Variants in PAK1 observed in about 807,000 individuals in gnomAD.
The protein encoded by PAK1 is p21 (RAC1) activated kinase 1, also known as serine/threonine-protein kinase PAK 1.
Under a neutral mutation model 67.4 loss-of-function variants are expected in PAK1, and 29 were observed. The ratio of observed to expected loss-of-function variants is 0.43; its 90% confidence interval spans 0.32 to 0.59. The LOEUF (loss-of-function observed/expected upper bound fraction) is 0.59. PAK1 is among the 20% of genes least tolerant of loss of function. The pLI, the probability that PAK1 is intolerant of heterozygous loss-of-function variation, is 0.07. For synonymous variants in PAK1, 223 were observed against 237.4 expected, an observed-to-expected ratio of 0.94 and a Z score of 0.56; for missense variants, 337 against 670.7, an observed-to-expected ratio of 0.50 and a Z score of 5.50.
chr11:77,520,163 T>C, the PAK1 span, among the ~76,000 whole-genome samples: 1 of 152,246 alleles, frequency 6.6e-6, no homozygotes, highest in Admixed American at 6.5e-5. Flanking sequence ...TATCTGCCTA[T>C]GCATTTGGCT....
chr11:77,464,704 T>C (rs187871944), intron 1 of PAK1, among the ~76,000 whole-genome samples: 1 of 152,322 alleles, frequency 6.6e-6, no homozygotes, highest in East Asian at 1.9e-4. Flanking sequence ...ACACCTAACA[T>C]ACCAAACATC....
intron 1 of PAK1, among the ~76,000 whole-genome samples, chr11:77,394,357 T>C (rs1951560542): frequency 6.6e-6 from 1 of 152,198 alleles, no homozygotes; most frequent in Non-Finnish European, 1.5e-5. Context: ...TGAAAATTAG[T>C]GATCCCAATG....
chr11:77,461,400 A>G (rs1376104434), intron 1 of PAK1, among the ~76,000 whole-genome samples: 1 of 152,222 alleles, frequency 6.6e-6, no homozygotes, highest in Non-Finnish European at 1.5e-5. Flanking sequence ...ATCCTCCATA[A>G]TCTGGATGGA....
chr11:77,407,408 T>A lies in PAK1; in HGVS notation c.-21-14867A>T, dbSNP rs116428380. Reference sequence around the variant, plus strand: ...GAGGTTCAATCCTCTCCTATTAGTCTGTGAGTTTTTCGAGGGCAGAGAAAG... The same window carrying A: ...GAGGTTCAATCCTCTCCTATTAGTCAGTGAGTTTTTCGAGGGCAGAGAAAG... On this transcript the variant is annotated intron_variant, in intron 1 of 14. Transcript: ENST00000356341. 3.7e-3 allele frequency among the ~76,000 whole-genome samples: 568 copies of A among 152,304 alleles called. 6 individuals are homozygous for A. Among genetic ancestry groups the A allele is most frequent in the African/African-American group, 0.013 (529 of 41,560 alleles).
intron 7 of PAK1, among the ~76,000 whole-genome samples, chr11:77,353,855 A>G (rs1945627199): frequency 2.0e-5 from 3 of 152,156 alleles, no homozygotes; most frequent in Admixed American, 1.3e-4. Context: ...TAATCCATTC[A>G]GTAAATATTT....
chr11:77,325,245 C>T (rs1939501334), intron 14 of PAK1: 1 of 1,550,168 alleles, frequency 6.5e-7, no homozygotes, highest in Admixed American at 1.8e-5. Context: ...AGTTGTGATA[C>T]TCTTTGAGCC....
chr11:77,432,859 T>A (rs1955926593), intron 1 of PAK1, among the ~76,000 whole-genome samples: 1 of 149,208 alleles, frequency 6.7e-6, no homozygotes. Context: ...TAGAATAGCA[T>A]CAAAAAGAAA....
At chr11:77,478,618 C>CAA (rs56856301), upstream of PAK1, among the ~76,000 whole-genome samples, 120 of 143,392 alleles carry the variant, frequency 8.4e-4, 2 homozygotes, top group African/African-American at 2.8e-3. Context: ...TACTAAAATA[C>CAA]AAAAAAAAAA....
intron 14 of PAK1, 55 bp from the exon 15 acceptor site, chr11:77,323,415 T>A: frequency 8.5e-7 from 1 of 1,170,800 alleles, no homozygotes; most frequent in Non-Finnish European, 1.3e-6. Flanking sequence ...TCTTCCCCAG[T>A]AACCATTACA....
In PAK1 at chr11:77,414,431, T is replaced by G. The variant is rs1954838369; in HGVS notation, c.-21-21890A>C. 2.0e-5 allele frequency among the ~76,000 whole-genome samples: 3 copies of G among 152,248 alleles called. No individual in the cohort carries two copies. The South Asian group carries it at 6.2e-4, about 31-fold the overall frequency. On this transcript the variant is annotated intron_variant, in intron 1 of 14. Transcript: ENST00000356341. ...GTCCCAGCAGAGATTCTGACTTGGT[T>G]GGTCTGGCATGTGGCCTAGGCAATA...
At chr11:77,323,498 T>A (rs1938870294) in intron 14 of PAK1, 138 bp from the exon 15 acceptor site, 2 of 661,716 alleles carry the variant, frequency 3.0e-6, no homozygotes, top group African/African-American at 1.8e-5. Flanking sequence ...TTGAAGGACA[T>A]CTTAAAACAG....
chr11:77,379,858 AAAAGACT>A, intron 3 of PAK1, 29 bp downstream of exon 3: 1 of 1,405,284 alleles, frequency 7.1e-7, no homozygotes, highest in Non-Finnish European at 1.0e-6. Context: ...CCAGAACTCT[AAAAGACT>A]AAAGACCTTT....
At chr11:77,524,089 G>A in the PAK1 span, among the ~76,000 whole-genome samples, 152 of 152,278 alleles carry the variant, frequency 1.0e-3, no homozygotes, top group African/African-American at 3.5e-3. Flanking sequence ...GCCCCAATGA[G>A]TCTTCCAAAA....
In PAK1 at chr11:77,448,199, G is replaced by T. The variant is rs550106104; in HGVS notation, c.-22+25353C>A. Among the ~76,000 whole-genome samples, 12 of 152,220 alleles carry T rather than the reference G, an allele frequency of 7.9e-5. No homozygotes were observed. The South Asian group carries it at 2.5e-3, about 32-fold the overall frequency. The stretch of plus-strand genomic sequence containing the variant: ...CCTCAATTACCTCATATGTAAAATG[G>T]GAGACTCATATGGGAAAAAATGGAA... On this transcript the variant is annotated intron_variant, in intron 1 of 14. Transcript: ENST00000356341.
intron 1 of PAK1, among the ~76,000 whole-genome samples, chr11:77,420,760 C>A (rs1342312308): frequency 6.6e-6 from 1 of 152,204 alleles, no homozygotes; most frequent in Non-Finnish European, 1.5e-5. Context: ...GACAGATTTG[C>A]TCTGCTCCCC....
chr11:77,365,819 C>T (rs997586992), intron 5 of PAK1, among the ~76,000 whole-genome samples: 4 of 150,204 alleles, frequency 2.7e-5, no homozygotes, highest in Admixed American at 1.3e-4. Flanking sequence ...GGCGACAGAG[C>T]GAGACTCCGT....
chr11:77,392,231 A>C (rs1951230187), intron 2 of PAK1, 100 bp downstream of exon 2: 1 of 860,610 alleles, frequency 1.2e-6, no homozygotes, highest in Non-Finnish European at 1.7e-6. Context: ...AGAAAACATT[A>C]AAGGAAAATT....
intron 1 of PAK1, among the ~76,000 whole-genome samples, chr11:77,452,286 T>A (rs1187487991): frequency 6.6e-6 from 1 of 152,198 alleles, no homozygotes; most frequent in African/African-American, 2.4e-5. Flanking sequence ...AACAGGTCAG[T>A]AAGTAGCAGA....
At chr11:77,463,345 A>G (rs1222578909) in intron 1 of PAK1, among the ~76,000 whole-genome samples, 7 of 152,170 alleles carry the variant, frequency 4.6e-5, no homozygotes, top group Non-Finnish European at 1.5e-5. Context: ...CACTGCACAT[A>G]CTCCCCTGCC....
Sources: gnomAD v4.1 joint callset for allele counts (sites outside exome capture counted in the v4.1 genomes callset) on GRCh38, gnomAD v4.1.1 for gene constraint, MANE v1.5 for transcripts, NCBI Gene and HGNC (gene_info 2026-07-23, HGNC 2026-07-21) for gene names.